STX8: variants seen among roughly 807,000 people sequenced by gnomAD.
The protein encoded by STX8 is syntaxin 8, also known as syntaxin-8.
In STX8, 23 loss-of-function variants were observed where a neutral mutation model predicts 37.5. The observed-to-expected ratio is 0.61, with a 90% CI of 0.44 to 0.87. The LOEUF (loss-of-function observed/expected upper bound fraction) is 0.87, where lower values mean the gene tolerates loss of function less well. Among genes scored for constraint, STX8 ranks in the 40% least tolerant of loss-of-function variants. STX8 has a pLI of 0.00. For synonymous variants in STX8, 115 were observed against 99.1 expected, an observed-to-expected ratio of 1.16 and a Z score of -0.95; for missense variants, 313 against 284.7, an observed-to-expected ratio of 1.10 and a Z score of -0.71.
At position 9,371,228 on chromosome 17, in the gene STX8, C is replaced by T. The variant is rs983468592; in HGVS notation, c.643+7324G>A. 3.9e-5 allele frequency among the ~76,000 whole-genome samples: 6 copies of T among 152,172 alleles called. No homozygotes were observed. The East Asian group carries it at 5.8e-4, about 15-fold the overall frequency. On this transcript the variant is annotated intron_variant, in intron 7 of 7. Coordinates refer to ENST00000306357, the MANE Select transcript of STX8 (RefSeq NM_004853.3). ...ATCAAGGAAGATATGCCAAGGGTAG[C>T]GAAACAAAAGGCCATTTCATGATTC... is the stretch of plus-strand genomic sequence containing the variant.
Position 9,255,400 on chromosome 17 carries a change from G to A in STX8, c.644-4755C>T, listed in dbSNP as rs144045008. On this transcript the variant is annotated intron_variant, in intron 7 of 7. Transcript: ENST00000306357. ...AAATTAACCGGGCATGGTGGTGCAC[G>A]CTTGTAGTCCCAGCTACTTGGGAGG... Among the ~76,000 whole-genome samples, 221 of 152,142 alleles carry A rather than the reference G, an allele frequency of 1.5e-3. 1 individual carries two copies. Among genetic ancestry groups the A allele is most frequent in the African/African-American group, 4.8e-3 (198 of 41,510 alleles).
At chr17:9,330,497 T>C (rs1909925666) in intron 7 of STX8, among the ~76,000 whole-genome samples, 1 of 152,192 alleles carries the variant, frequency 6.6e-6, no homozygotes, top group Admixed American at 6.5e-5. Context: ...ATCCTTGCGA[T>C]GTATGAACAG....
chr17:9,385,144 G>T (rs1212888093), intron 6 of STX8, among the ~76,000 whole-genome samples: 1 of 152,084 alleles, frequency 6.6e-6, no homozygotes, highest in Admixed American at 6.5e-5. Context: ...ATCCTCAAAG[G>T]AAGTGATTTC....
At chr17:9,484,656 A>G (rs1483528991) in intron 6 of STX8, among the ~76,000 whole-genome samples, 6 of 97,858 alleles carry the variant, frequency 6.1e-5, no homozygotes, top group African/African-American at 2.5e-4. Context: ...TCTCTACTAA[A>G]AATACAAAAA....
At chr17:9,255,942 C>T (rs967567262) in intron 7 of STX8, among the ~76,000 whole-genome samples, 3 of 152,204 alleles carry the variant, frequency 2.0e-5, no homozygotes, top group Non-Finnish European at 4.4e-5. Context: ...CCAGCTCTGG[C>T]ACCTTTCTGA....
intron 7 of STX8, among the ~76,000 whole-genome samples, chr17:9,350,386 C>T (rs538878541): frequency 6.6e-6 from 1 of 152,340 alleles, no homozygotes; most frequent in East Asian, 1.9e-4. Flanking sequence ...CTGTGGAAAG[C>T]AAGACCAAGG....
At chr17:9,531,233 A>G (rs1316629426) in intron 4 of STX8, among the ~76,000 whole-genome samples, 1 of 150,086 alleles carries the variant, frequency 6.7e-6, no homozygotes, top group Non-Finnish European at 1.5e-5. Flanking sequence ...TTGTTCTTAA[A>G]AATTGTCTCA....
At chr17:9,570,199 ATAAG>A in intron 1 of STX8, among the ~76,000 whole-genome samples, 1 of 152,170 alleles carries the variant, frequency 6.6e-6, no homozygotes, top group East Asian at 1.9e-4. Context: ...AGGGAACTTG[ATAAG>A]TGTTTTTTTT....
At chr17:9,460,005 C>T (rs2142417501) in intron 6 of STX8, among the ~76,000 whole-genome samples, 1 of 152,270 alleles carries the variant, frequency 6.6e-6, no homozygotes. Flanking sequence ...CTTGCAGAGG[C>T]CGAGCTCCAG....
At chr17:9,474,849 G>C (rs1404837225) in intron 6 of STX8, among the ~76,000 whole-genome samples, 1 of 152,174 alleles carries the variant, frequency 6.6e-6, no homozygotes, top group African/African-American at 2.4e-5. Context: ...GTGCATGCCA[G>C]TAATCCCAGC....
intron 7 of STX8, among the ~76,000 whole-genome samples, chr17:9,277,806 C>A (rs968346886): frequency 1.3e-5 from 2 of 151,988 alleles, no homozygotes; most frequent in Non-Finnish European, 2.9e-5. Flanking sequence ...GCTAGGGATT[C>A]ATGGAATGGA....
rs555642625 is a variant in STX8, at chr17:9,492,949, T to G, written c.449-1028A>C. ...TCTCTACTAAAAATACAAAAAAAAA[T>G]TAGCTGGGCCTGGTGGCAGACACCT... On this transcript the variant is annotated intron_variant, in intron 5 of 7. Transcript: ENST00000306357. 1.5e-4 allele frequency among the ~76,000 whole-genome samples: 23 copies of G among 151,986 alleles called. 2 individuals are homozygous for G. The South Asian group carries it at 2.7e-3, about 18-fold the overall frequency.
intron 7 of STX8, among the ~76,000 whole-genome samples, chr17:9,347,551 T>C (rs980395332): frequency 6.6e-6 from 1 of 152,246 alleles, no homozygotes; most frequent in Non-Finnish European, 1.5e-5. Flanking sequence ...GGTCTCACTC[T>C]GTTCCCCAGA....
At chr17:9,467,937 G>A (rs1905686494) in intron 6 of STX8, among the ~76,000 whole-genome samples, 2 of 152,164 alleles carry the variant, frequency 1.3e-5, no homozygotes, top group South Asian at 4.2e-4. Context: ...CAAACAAGCT[G>A]TAACTGAGTA....
At chr17:9,346,061 A>T (rs1461522618) in intron 7 of STX8, among the ~76,000 whole-genome samples, 1 of 152,012 alleles carries the variant, frequency 6.6e-6, no homozygotes, top group Non-Finnish European at 1.5e-5. Context: ...CATGTTGGCC[A>T]GGCTGGTCTC....
chr17:9,307,593 C>A (rs1202499385), intron 7 of STX8, among the ~76,000 whole-genome samples: 3 of 152,160 alleles, frequency 2.0e-5, no homozygotes, highest in South Asian at 2.1e-4. Flanking sequence ...ACTATTTTCT[C>A]CCTCTTACTC....
At chr17:9,512,053 A>G (rs1239146369) in intron 4 of STX8, among the ~76,000 whole-genome samples, 1 of 149,252 alleles carries the variant, frequency 6.7e-6, no homozygotes, top group Admixed American at 6.6e-5. Context: ...AAGATCTCTA[A>G]AAGAAAAACT....
intron 6 of STX8, among the ~76,000 whole-genome samples, chr17:9,486,182 C>T (rs186874430): frequency 3.0e-3 from 456 of 152,232 alleles, no homozygotes; most frequent in Non-Finnish European, 4.5e-3. Flanking sequence ...ACAGTATGCA[C>T]CAAGATCTTA....
intron 6 of STX8, among the ~76,000 whole-genome samples, chr17:9,449,871 T>C (rs1238930078): frequency 6.6e-6 from 1 of 151,550 alleles, no homozygotes; most frequent in East Asian, 1.9e-4. Context: ...GTAGTCCCAG[T>C]AACTTGGGAG....
Sources: gnomAD v4.1 joint callset for allele counts (sites outside exome capture counted in the v4.1 genomes callset) on GRCh38, gnomAD v4.1.1 for gene constraint, MANE v1.5 for transcripts, NCBI Gene and HGNC (gene_info 2026-07-23, HGNC 2026-07-21) for gene names.